Variants in PYGL observed in about 807,000 individuals in gnomAD.
PYGL encodes the protein glycogen phosphorylase L, also known as glycogen phosphorylase, liver form.
Under a neutral mutation model 100.1 loss-of-function variants are expected in PYGL, and 90 were observed. The ratio of observed to expected loss-of-function variants is 0.90; its 90% CI spans 0.76 to 1.07. PYGL has a LOEUF of 1.07. Among genes scored for constraint, PYGL ranks in the 50% least tolerant of loss-of-function variants. The probability of loss-of-function intolerance (pLI) is 0.00; values close to 1 mark genes in which losing one functional copy is unlikely to be tolerated. For missense variants in PYGL, 1,016 were observed against 1,057.6 expected (o/e 0.96, Z 0.55); for synonymous variants, 373 against 393.0 (o/e 0.95, Z 0.60).
intron 13 of PYGL, among the ~76,000 whole-genome samples, chr14:50,912,809 C>A (rs1451274860): frequency 3.9e-5 from 6 of 152,124 alleles, no homozygotes; most frequent in Non-Finnish European, 1.5e-5. Context: ...CAAAAATTAG[C>A]CGGGCGTGGT....
rs781729481 is a variant in PYGL, at chr14:50,914,700, C to A, written c.1518+1G>T. 34 of 1,608,150 alleles carry A rather than the reference C, an allele frequency of 2.1e-5. No individual in the cohort carries two copies. The highest frequency in any genetic ancestry group is 2.8e-5 in the Non-Finnish European group (33 of 1,174,712). On this transcript the variant is annotated splice_donor_variant, in intron 12 of 19. Transcript: ENST00000216392. LOFTEE classifies it high-confidence loss of function. Reference sequence around the variant, plus strand: ...CTTTCCTCTCAGCACTTCCCAGTTACCTCTGCTATGAGCTCTGCAAGTCCT... The same window carrying A: ...CTTTCCTCTCAGCACTTCCCAGTTAACTCTGCTATGAGCTCTGCAAGTCCT...
intron 1 of PYGL, 119 bp from the exon 2 acceptor site, chr14:50,937,956 A>G: frequency 4.4e-6 from 4 of 907,188 alleles, no homozygotes; most frequent in Non-Finnish European, 7.0e-6. Flanking sequence ...CTATGTCACC[A>G]CAGGTTCGAA....
rs1029529206 is a variant in PYGL, at chr14:50,912,254, T to C, written c.1670A>G (p.Lys557Arg). ...ATCAAACATGGAGGATGGGTTGATC[T>C]TCACTTTGTACTCCGTCTCCAGGAA... Reference protein sequence around the residue: ...SQFLETEYKVKINPSSMFDVQ... With the variant: ...SQFLETEYKVRINPSSMFDVQ... The change falls in exon 14 of 20, where the codon AAG becomes AGG. Residue 557 changes from lysine to arginine, a missense_variant. Lys to Arg is a conservative substitution (Grantham distance 26). Coordinates refer to ENST00000216392, the MANE Select transcript of PYGL (RefSeq NM_002863.5). The C allele has an allele frequency of 8.1e-6, 13 of 1,614,012 alleles. No individual in the cohort carries two copies. Among genetic ancestry groups the C allele is most frequent in the Non-Finnish European group, 1.1e-5 (13 of 1,179,956 alleles).
At chr14:50,929,908 CA>C (rs750373777) in intron 4 of PYGL, among the ~76,000 whole-genome samples, 46 of 152,114 alleles carry the variant, frequency 3.0e-4, no homozygotes, top group Non-Finnish European at 6.2e-4. Flanking sequence ...ATATTTCTTA[CA>C]GAAAATGAGA....
chr14:50,934,463 C>T (rs951779688), intron 3 of PYGL, among the ~76,000 whole-genome samples: 1 of 152,088 alleles, frequency 6.6e-6, no homozygotes, highest in African/African-American at 2.4e-5. Flanking sequence ...TTGACCTAGA[C>T]GTACTTTACT....
rs1481669936 is a variant in PYGL at position 50,921,249 on chromosome 14, T to C, written c.661-182A>G. On this transcript the variant is annotated intron_variant, in intron 5 of 19. Transcript: ENST00000216392. ...AGAGGGTATTAGAGGAACATGTGGT[T>C]CCTCCCCGACCTGGTACAATCTAGT... 25 of 600,532 alleles carry C rather than the reference T, an allele frequency of 4.2e-5. No homozygotes were observed. In the South Asian group the frequency reaches 4.5e-4, roughly 11 times the overall value. The allele number at this position is 600,532 out of a possible 1,614,324, so 37.2% of individuals were successfully genotyped here. A position where few individuals can be genotyped will look rare whatever the true frequency, so the allele number is the denominator to read the frequency against.
chr14:50,906,844 T>C (rs1045018747), intron 19 of PYGL, among the ~76,000 whole-genome samples: 3 of 152,222 alleles, frequency 2.0e-5, no homozygotes, highest in Non-Finnish European at 4.4e-5. Flanking sequence ...TATATGCCAC[T>C]GGGGGACTGG....
Position 50,908,957 on chromosome 14 carries a change from T to C in PYGL, c.2178-2A>G. On this transcript the variant is annotated splice_acceptor_variant, in intron 17 of 19. Transcript: ENST00000216392. LOFTEE classifies it high-confidence loss of function. ...TCATAGTATTCTTTTGCCTCGTACC[T>C]GTGGGGTAGGGGTGGGTGGGTGATA... 6.6e-7 allele frequency: 1 copy of C among 1,508,188 alleles called. No individual in the cohort carries two copies. Among genetic ancestry groups the C allele is most frequent in the Non-Finnish European group, 9.1e-7 (1 of 1,098,460 alleles). 93.4% of individuals were successfully genotyped at this position (1,508,188 alleles called of 1,614,324 possible). A position where few individuals can be genotyped will look rare whatever the true frequency, so the allele number is the denominator to read the frequency against.
chr14:50,917,015 T>G lies in PYGL; in HGVS notation c.946A>C (p.Lys316Gln). The change falls in exon 8 of 20, where the codon AAG becomes CAG. Residue 316 changes from lysine to glutamine, a missense_variant. Transcript: ENST00000216392. The part of the protein sequence containing the change: ...QDIIRRFKAS[K>Q]FGSTRGAGTV... ...CCTGCACCACGGGTGGAGCCAAACT[T>G]GGAGGCTTTGAAACGGCGGATGATA... 1 of 1,614,102 alleles carries G rather than the reference T, an allele frequency of 6.2e-7. No homozygotes were observed. The highest frequency in any genetic ancestry group is 1.1e-5 in the South Asian group (1 of 91,076).
At chr14:50,913,422 AGTACAGTGGCAC>A (rs2050417928) in intron 12 of PYGL, 1 of 160,376 alleles carries the variant, frequency 6.2e-6, no homozygotes, top group African/African-American at 2.4e-5. Context: ...CCCAGGCTGG[AGTACAGTGGCAC>A]GATCTCGGCT....
intron 4 of PYGL, among the ~76,000 whole-genome samples, chr14:50,927,590 T>C (rs1411389614): frequency 6.6e-6 from 1 of 152,164 alleles, no homozygotes; most frequent in African/African-American, 2.4e-5. Flanking sequence ...TTGGTTGAAT[T>C]TTTTTCCTGC....
chr14:50,938,305 G>T (rs1178770141), intron 1 of PYGL, among the ~76,000 whole-genome samples: 1 of 152,152 alleles, frequency 6.6e-6, no homozygotes, highest in African/African-American at 2.4e-5. Flanking sequence ...CTACCTCCTG[G>T]GTTCAAGAGA....
Position 50,908,284 on chromosome 14 carries a change from C to A in PYGL, c.2366G>T (p.Ser789Ile), listed in dbSNP as rs536358101. The change falls in exon 19 of 20, where the codon AGT (serine) becomes ATT (isoleucine). Residue 789 changes from serine to isoleucine, a missense_variant. Coordinates refer to ENST00000216392, the MANE Select transcript of PYGL (RefSeq NM_002863.5). ...CAATTTACTCACCATGTACAGCTGA[C>A]TCACTTTATCTTGACACTTGACATA... ...EAYVKCQDKV[S>I]QLYMNPKAWN... The A allele has an allele frequency of 3.1e-6, 5 of 1,596,028 alleles. No individual in the cohort carries two copies. The African/African-American group carries it at 6.7e-5, about 21-fold the overall frequency.
chr14:50,926,725 CAAAAAAAAAAAAAAAA>C (rs60411526), intron 4 of PYGL, among the ~76,000 whole-genome samples: 1 of 42,826 alleles, frequency 2.3e-5, no homozygotes, highest in Non-Finnish European at 4.4e-5. Flanking sequence ...GACTCTGTCT[CAAAAAAAAAAAAAAAA>C]AAAAAAAAAA....
At chr14:50,919,527 A>C (rs1051505950) in intron 7 of PYGL, among the ~76,000 whole-genome samples, 7 of 152,172 alleles carry the variant, frequency 4.6e-5, no homozygotes, top group African/African-American at 1.7e-4. Context: ...GCAGAGTGCT[A>C]ATTTTATTGC....
At position 50,908,301 on chromosome 14, in the gene PYGL, CTT is replaced by C; in HGVS notation, c.2347_2348del (p.Lys783ValfsTer4). 6.2e-7 allele frequency: 1 copy of C among 1,605,312 alleles called. No individual in the cohort carries two copies. The highest frequency in any genetic ancestry group is 2.2e-5 in the East Asian group (1 of 44,814). On this transcript the variant is annotated frameshift_variant, in exon 19 of 20. Coordinates refer to ENST00000216392, the MANE Select transcript of PYGL (RefSeq NM_002863.5). LOFTEE classifies it high-confidence loss of function. The stretch of plus-strand genomic sequence containing the variant: ...ACAGCTGACTCACTTTATCTTGACA[CTT>C]GACATAGGCTTCGTAGTCTGCAAAG... ...KVFADYEAYV[K>X]CQDKVSQLYM...
rs754204490 is a variant in PYGL at position 50,920,662 on chromosome 14, GC to G, written c.773-40del. Reference sequence around the variant, plus strand: ...AGAGAAACAATAAATAGAGAAACCAGCCATTGTTGTTGGAAACCTCTTGATC... The same window carrying G: ...AGAGAAACAATAAATAGAGAAACCAGCATTGTTGTTGGAAACCTCTTGATC... On this transcript the variant is annotated intron_variant, in intron 6 of 19. Coordinates refer to ENST00000216392, the MANE Select transcript of PYGL (RefSeq NM_002863.5). 8 of 1,552,972 alleles carry G rather than the reference GC, an allele frequency of 5.2e-6. No homozygotes were observed. The Admixed American group carries it at 6.7e-5, about 13-fold the overall frequency.
intron 5 of PYGL, among the ~76,000 whole-genome samples, chr14:50,922,222 G>A (rs771981882): frequency 7.2e-5 from 11 of 152,302 alleles, no homozygotes; most frequent in Non-Finnish European, 1.3e-4. Flanking sequence ...TGAGGGAGCT[G>A]AAGCTGAGAG....
intron 4 of PYGL, among the ~76,000 whole-genome samples, chr14:50,926,177 C>T (rs550575910): frequency 1.3e-5 from 2 of 152,116 alleles, no homozygotes; most frequent in African/African-American, 4.8e-5. Flanking sequence ...ATAGTGAGAA[C>T]CTATCTCTAA....
Sources: gnomAD v4.1 joint callset for allele counts (sites outside exome capture counted in the v4.1 genomes callset) on GRCh38, gnomAD v4.1.1 for gene constraint, MANE v1.5 for transcripts, NCBI Gene and HGNC (gene_info 2026-07-23, HGNC 2026-07-21) for gene names.